GPM6A: variants seen among roughly 807,000 people sequenced by gnomAD.
GPM6A encodes neuronal membrane glycoprotein M6-a.
GPM6A carries 7 observed loss-of-function variants against 32.1 expected under a neutral mutation model. The observed-to-expected ratio is 0.22, with a 90% CI of 0.12 to 0.41. The LOEUF is 0.41. Ranked by LOEUF, GPM6A falls within the 10% of genes least tolerant of loss-of-function variation. GPM6A has a pLI of 1.00. For synonymous variants in GPM6A, 130 were observed against 123.4 expected, an observed-to-expected ratio of 1.05 and a Z score of -0.35; for missense variants, 235 against 347.2, an observed-to-expected ratio of 0.68 and a Z score of 2.57.
At chr4:175,930,702 T>C (rs1290942527) in intron 1 of GPM6A, among the ~76,000 whole-genome samples, 1 of 152,078 alleles carries the variant, frequency 6.6e-6, no homozygotes, top group Non-Finnish European at 1.5e-5. Flanking sequence ...TCCTGGCATT[T>C]TTCCTGCAGA....
At chr4:175,970,387 A>G (rs1241861083) in intron 1 of GPM6A, among the ~76,000 whole-genome samples, 1 of 152,242 alleles carries the variant, frequency 6.6e-6, no homozygotes, top group Non-Finnish European at 1.5e-5. Context: ...GAAAAGAACA[A>G]AATTCAAAAA....
At chr4:175,647,485 A>G (rs1047123302) in intron 4 of GPM6A, among the ~76,000 whole-genome samples, 4 of 152,190 alleles carry the variant, frequency 2.6e-5, no homozygotes, top group Non-Finnish European at 5.9e-5. Context: ...AAATCCTCCA[A>G]CTATATCAAG....
chr4:175,921,185 A>C (rs1279003439), intron 1 of GPM6A, among the ~76,000 whole-genome samples: 1 of 152,176 alleles, frequency 6.6e-6, no homozygotes, highest in East Asian at 1.9e-4. Context: ...CTTAATTATT[A>C]ATAACTTTCA....
At chr4:175,763,748 AAC>A (rs1404865601) in intron 1 of GPM6A, among the ~76,000 whole-genome samples, 1 of 152,204 alleles carries the variant, frequency 6.6e-6, no homozygotes, top group African/African-American at 2.4e-5. Context: ...TTTTTAAAAA[AAC>A]AGTCTTCTAT....
At chr4:175,913,972 A>T (rs1359066830) in intron 1 of GPM6A, among the ~76,000 whole-genome samples, 1 of 152,192 alleles carries the variant, frequency 6.6e-6, no homozygotes, top group Non-Finnish European at 1.5e-5. Flanking sequence ...GAAGTGTCTG[A>T]GACAGGTCTC....
intron 4 of GPM6A, among the ~76,000 whole-genome samples, chr4:175,650,299 T>C (rs1741720167): frequency 1.1e-5 from 1 of 87,744 alleles, no homozygotes; most frequent in East Asian, 5.3e-4. Flanking sequence ...TATTTATTTA[T>C]TTATTTATTT....
intron 3 of GPM6A, among the ~76,000 whole-genome samples, chr4:175,652,410 T>C (rs1579344208): frequency 6.6e-6 from 1 of 152,268 alleles, no homozygotes; most frequent in Non-Finnish European, 1.5e-5. Context: ...TCATGTCATG[T>C]CGCAAATATT....
intron 1 of GPM6A, among the ~76,000 whole-genome samples, chr4:175,747,182 A>G (rs1732139211): frequency 6.6e-6 from 1 of 151,114 alleles, no homozygotes; most frequent in African/African-American, 2.4e-5. Context: ...AGGCAGGAGA[A>G]TCGCTTGAAC....
chr4:175,850,089 G>A (rs973941523), intron 1 of GPM6A, among the ~76,000 whole-genome samples: 3 of 152,114 alleles, frequency 2.0e-5, no homozygotes, highest in South Asian at 2.1e-4. Context: ...GTTATTAAAG[G>A]AAAGATGTGA....
intron 1 of GPM6A, among the ~76,000 whole-genome samples, chr4:175,966,271 A>C (rs1350570412): frequency 6.6e-6 from 1 of 151,924 alleles, no homozygotes; most frequent in African/African-American, 2.4e-5. Context: ...GCATGGTGGC[A>C]TGTGCCTGTA....
At chr4:175,734,300 C>A (rs1275872368) in intron 1 of GPM6A, among the ~76,000 whole-genome samples, 2 of 152,008 alleles carry the variant, frequency 1.3e-5, no homozygotes, top group African/African-American at 4.8e-5. Flanking sequence ...ACCCAAAAGA[C>A]CCTCAATTAA....
intron 1 of GPM6A, among the ~76,000 whole-genome samples, chr4:175,718,221 A>G (rs532741748): frequency 1.3e-5 from 2 of 152,210 alleles, no homozygotes; most frequent in African/African-American, 2.4e-5. Flanking sequence ...CTACACAAGA[A>G]TTAACTAATC....
intron 1 of GPM6A, among the ~76,000 whole-genome samples, chr4:175,926,225 C>T (rs1269498647): frequency 2.6e-5 from 4 of 152,116 alleles, no homozygotes; most frequent in African/African-American, 9.7e-5. Flanking sequence ...CATTCAAAAA[C>T]ACTGGCAAAT....
At chr4:175,866,407 C>T (rs576035745) in intron 1 of GPM6A, among the ~76,000 whole-genome samples, 1 of 152,088 alleles carries the variant, frequency 6.6e-6, no homozygotes, top group African/African-American at 2.4e-5. Context: ...TTCACTGCCT[C>T]GAAAATCCTC....
intron 1 of GPM6A, among the ~76,000 whole-genome samples, chr4:175,714,592 TC>T: frequency 1.1e-4 from 1 of 9,058 alleles, no homozygotes; most frequent in South Asian, 0.014. Context: ...TCCACAGCTA[TC>T]ATATGAAAGA....
chr4:175,866,694 T>G (rs2111430846), intron 1 of GPM6A, among the ~76,000 whole-genome samples: 1 of 152,312 alleles, frequency 6.6e-6, no homozygotes. Context: ...TGCTTTCAAA[T>G]TTTGGAAATT....
intron 1 of GPM6A, among the ~76,000 whole-genome samples, chr4:175,874,971 G>A (rs1340794497): frequency 1.3e-5 from 2 of 152,004 alleles, no homozygotes; most frequent in Admixed American, 6.6e-5. Flanking sequence ...TAGCCCCAAG[G>A]TGTGTGTGTG....
chr4:175,691,153 G>A (rs1744274879), intron 2 of GPM6A, among the ~76,000 whole-genome samples: 1 of 152,058 alleles, frequency 6.6e-6, no homozygotes, highest in Admixed American at 6.5e-5. Flanking sequence ...ACTTATCTAC[G>A]TGAGGATGAA....
At chr4:175,925,974 C>T (rs981181191) in intron 1 of GPM6A, among the ~76,000 whole-genome samples, 4 of 151,730 alleles carry the variant, frequency 2.6e-5, no homozygotes, top group Non-Finnish European at 5.9e-5. Flanking sequence ...GCCCCAGCCT[C>T]CCAAGCAGCT....
Sources: allele counts gnomAD v4.1 joint callset (sites outside exome capture counted in the v4.1 genomes callset), GRCh38; gene constraint gnomAD v4.1.1; transcripts MANE v1.5; gene names NCBI Gene and HGNC (gene_info 2026-07-23, HGNC 2026-07-21).